Variants in MACROD2 observed in about 807,000 individuals in gnomAD.
The protein encoded by MACROD2 is mono-ADP ribosylhydrolase 2.
Under a neutral mutation model 70.4 loss-of-function variants are expected in MACROD2, and 36 were observed. That is an observed-to-expected ratio of 0.51 (90% CI 0.39 to 0.68). The LOEUF is 0.68. Among genes scored for constraint, MACROD2 ranks in the 30% least tolerant of loss-of-function variants. The pLI is 0.00. For synonymous variants in MACROD2, 172 were observed against 178.8 expected, an observed-to-expected ratio of 0.96 and a Z score of 0.30; for missense variants, 496 against 538.4, an observed-to-expected ratio of 0.92 and a Z score of 0.78.
intron 3 of MACROD2, among the ~76,000 whole-genome samples, chr20:14,185,009 T>C (rs2081333610): frequency 6.6e-6 from 1 of 152,112 alleles, no homozygotes; most frequent in South Asian, 2.1e-4. Context: ...GGATATAAGC[T>C]TCATGAATAT....
Position 14,706,340 on chromosome 20 carries a change from A to G in MACROD2, c.418+21381A>G, listed in dbSNP as rs113671034. ...AAAAAAAAAAAAAATTGGTAGAAGA[A>G]TTCAAGTGAGTGAAACTGAGAGTTT... On this transcript the variant is annotated intron_variant, in intron 5 of 17. Coordinates refer to ENST00000684519, the MANE Select transcript of MACROD2 (RefSeq NM_001351661.2). Among the ~76,000 whole-genome samples the G allele has an allele frequency of 1.4e-3, 210 of 151,950 alleles. 1 individual carries two copies. The highest frequency in any genetic ancestry group is 2.6e-3 in the Non-Finnish European group (177 of 67,968).
At chr20:15,644,071 A>T (rs1459211642) in intron 8 of MACROD2, among the ~76,000 whole-genome samples, 4 of 152,206 alleles carry the variant, frequency 2.6e-5, no homozygotes, top group African/African-American at 9.6e-5. Flanking sequence ...GCTGGAAAAC[A>T]TAACTCAGGG....
intron 5 of MACROD2, among the ~76,000 whole-genome samples, chr20:14,734,374 G>A (rs906333785): frequency 4.0e-5 from 6 of 151,370 alleles, no homozygotes; most frequent in Admixed American, 6.6e-5. Flanking sequence ...AGTGGCGGGT[G>A]CCTGTAGTCC....
In MACROD2 at chr20:15,842,712, G is replaced by GGATAGATAGATAGATA. The variant is rs60376874; in HGVS notation, c.646-20014_646-19999dup. 3.0e-3 allele frequency among the ~76,000 whole-genome samples: 428 copies of GGATAGATAGATAGATA among 141,682 alleles called. 1 individual carries two copies. The highest frequency in any genetic ancestry group is 5.8e-3 in the South Asian group (24 of 4,156). The allele number at this position is 141,682 out of a possible 152,430, so 92.9% of individuals were successfully genotyped here. On this transcript the variant is annotated intron_variant, in intron 8 of 17. Coordinates refer to ENST00000684519, the MANE Select transcript of MACROD2 (RefSeq NM_001351661.2). ...ATGGTTGGATGGGGGGTGGGTGGAT[G>GGATAGATAGATAGATA]GATAGATAGATAGATAGATAGATAG...
rs568265790 is a variant in MACROD2, at chr20:15,394,752, A to G, written c.541-36653A>G. ...TGTTGGGTTTCTGTTGAATCCCAAA[A>G]CACTGCTTAAACTCACCTCAATTAC... is the stretch of plus-strand genomic sequence containing the variant. On this transcript the variant is annotated intron_variant, in intron 6 of 17. Transcript: ENST00000684519. 2.0e-5 allele frequency among the ~76,000 whole-genome samples: 3 copies of G among 152,336 alleles called. No individual in the cohort carries two copies. In the South Asian group the frequency reaches 6.2e-4, roughly 32 times the overall value.
intron 2 of MACROD2, among the ~76,000 whole-genome samples, chr20:14,050,259 G>A (rs557886364): frequency 6.6e-6 from 1 of 152,226 alleles, no homozygotes; most frequent in South Asian, 2.1e-4. Flanking sequence ...GGATTGGAAA[G>A]AGCCTGAGAA....
chr20:14,418,813 C>G (rs535545180), intron 3 of MACROD2, among the ~76,000 whole-genome samples: 2 of 152,150 alleles, frequency 1.3e-5, no homozygotes, highest in Non-Finnish European at 2.9e-5. Flanking sequence ...GTTACATGCA[C>G]TAGAATGTAG....
At chr20:14,379,818 C>G (rs990009273) in intron 3 of MACROD2, among the ~76,000 whole-genome samples, 1 of 151,920 alleles carries the variant, frequency 6.6e-6, no homozygotes, top group Admixed American at 6.6e-5. Flanking sequence ...GAATAATACT[C>G]TATTATATTT....
intron 5 of MACROD2, among the ~76,000 whole-genome samples, chr20:14,840,317 C>G (rs1020584309): frequency 2.6e-5 from 4 of 152,146 alleles, no homozygotes; most frequent in African/African-American, 9.7e-5. Flanking sequence ...GGATTACAAG[C>G]GTGAGCCATC....
chr20:15,572,116 T>C (rs2048384132), intron 8 of MACROD2, among the ~76,000 whole-genome samples: 1 of 152,046 alleles, frequency 6.6e-6, no homozygotes, highest in Non-Finnish European at 1.5e-5. Flanking sequence ...CTCTTTTCAG[T>C]TTAATCAAAA....
At chr20:15,450,311 A>G (rs182745119) in intron 7 of MACROD2, among the ~76,000 whole-genome samples, 7 of 152,150 alleles carry the variant, frequency 4.6e-5, no homozygotes, top group East Asian at 3.9e-4. Context: ...AGAAAAATAT[A>G]AAATACTTAA....
chr20:14,456,209 G>T (rs1381939762), intron 3 of MACROD2, among the ~76,000 whole-genome samples: 4 of 151,858 alleles, frequency 2.6e-5, no homozygotes, highest in Admixed American at 2.6e-4. Context: ...GTGTTGAAAA[G>T]ACTTCAGTTT....
intron 3 of MACROD2, among the ~76,000 whole-genome samples, chr20:14,346,343 G>A (rs2083064393): frequency 6.6e-6 from 1 of 152,104 alleles, no homozygotes; most frequent in Non-Finnish European, 1.5e-5. Flanking sequence ...GACTTCCTGT[G>A]TGGCTCACAT....
chr20:14,668,047 C>T (rs987536176), intron 4 of MACROD2, among the ~76,000 whole-genome samples: 2 of 151,860 alleles, frequency 1.3e-5, no homozygotes, highest in Admixed American at 6.6e-5. Flanking sequence ...ACTTGCTACT[C>T]GGGGACTGAG....
At chr20:15,874,365 C>G (rs1418210069) in intron 9 of MACROD2, among the ~76,000 whole-genome samples, 2 of 152,110 alleles carry the variant, frequency 1.3e-5, no homozygotes, top group Non-Finnish European at 2.9e-5. Context: ...AATAGTGCTG[C>G]AATAAACATA....
chr20:15,720,941 T>G (rs2050779177), intron 8 of MACROD2, among the ~76,000 whole-genome samples: 1 of 152,192 alleles, frequency 6.6e-6, no homozygotes, highest in African/African-American at 2.4e-5. Context: ...CCCATTATGT[T>G]GGGGTTCTGT....
chr20:14,738,645 C>A (rs963105062), intron 5 of MACROD2, among the ~76,000 whole-genome samples: 2 of 152,006 alleles, frequency 1.3e-5, no homozygotes, highest in African/African-American at 4.8e-5. Flanking sequence ...TTACCAATTT[C>A]TTTGAGTCTG....
At chr20:14,048,131 A>C (rs2053505412) in intron 2 of MACROD2, among the ~76,000 whole-genome samples, 1 of 152,200 alleles carries the variant, frequency 6.6e-6, no homozygotes, top group Non-Finnish European at 1.5e-5. Context: ...CTCACTGCAC[A>C]GAAAGCCAGT....
intron 6 of MACROD2, among the ~76,000 whole-genome samples, chr20:15,300,969 C>A (rs2077636136): frequency 6.6e-6 from 1 of 152,186 alleles, no homozygotes. Context: ...AGAACAGAGG[C>A]CTCTGCTATG....
Sources: allele counts gnomAD v4.1 joint callset (sites outside exome capture counted in the v4.1 genomes callset), GRCh38; gene constraint gnomAD v4.1.1; transcripts MANE v1.5; gene names NCBI Gene and HGNC (gene_info 2026-07-23, HGNC 2026-07-21).